CRLS1: variants seen among roughly 807,000 people sequenced by gnomAD.
The protein encoded by CRLS1 is cardiolipin synthase (CMP-forming).
CRLS1 carries 24 observed loss-of-function variants against 37.0 expected under a neutral mutation model. The observed-to-expected ratio is 0.65, with a 90% CI of 0.47 to 0.91. CRLS1 has a LOEUF of 0.91. Among genes scored for constraint, CRLS1 ranks in the 40% least tolerant of loss-of-function variants. The probability of loss-of-function intolerance (pLI) is 0.00; values close to 1 mark genes in which losing one functional copy is unlikely to be tolerated. For missense variants in CRLS1, 373 were observed against 395.8 expected (o/e 0.94, Z 0.49); for synonymous variants, 135 against 159.7 (o/e 0.85, Z 1.17).
Position 6,026,470 on chromosome 20 carries a change from C to T in CRLS1, c.575-4815C>T, listed in dbSNP as rs373492880. ...CTTTACTGCAGTATTAGCTTTGTTG[C>T]GGTGGTCTGGAACAGAGCCTTCAAT... On this transcript the variant is annotated intron_variant, in intron 3 of 6. Transcript: ENST00000378863. Among the ~76,000 whole-genome samples the T allele has an allele frequency of 5.6e-4, 85 of 152,086 alleles. No homozygotes were observed. In the South Asian group the frequency reaches 0.013, roughly 23 times the overall value.
At position 6,037,181 on chromosome 20, in the gene CRLS1, G is replaced by A. The variant is rs769525804; in HGVS notation, c.*23G>A. ...TGATGAAAGTCATCCCTCACTGTTAGTAAGGAAGCAGTATACATCAATGGG... is the reference window on the plus strand; with the variant it reads ...TGATGAAAGTCATCCCTCACTGTTAATAAGGAAGCAGTATACATCAATGGG... On this transcript the variant is annotated 3_prime_UTR_variant, in exon 7 of 7. Transcript: ENST00000378863. 6.4e-7 allele frequency: 1 copy of A among 1,567,730 alleles called. No individual in the cohort carries two copies. The highest frequency in any genetic ancestry group is 8.8e-7 in the Non-Finnish European group (1 of 1,138,608).
intron 3 of CRLS1, chr20:6,028,209 T>C (rs778690823): frequency 1.3e-5 from 2 of 152,192 alleles, no homozygotes; most frequent in Non-Finnish European, 2.9e-5. Flanking sequence ...TTTTTTTGCT[T>C]TCTTCCTTCG....
At chr20:6,021,963 C>T (rs1335454550) in intron 3 of CRLS1, among the ~76,000 whole-genome samples, 2 of 152,190 alleles carry the variant, frequency 1.3e-5, no homozygotes, top group African/African-American at 4.8e-5. Flanking sequence ...TTATTTCTCT[C>T]AGCTTAGGCT....
At chr20:6,010,504 A>G (rs1400326822) in intron 2 of CRLS1, among the ~76,000 whole-genome samples, 2 of 152,198 alleles carry the variant, frequency 1.3e-5, no homozygotes, top group Non-Finnish European at 2.9e-5. Context: ...TGGGCTGACA[A>G]TTGGACGTCC....
At chr20:6,034,061 G>A (rs1980375786) in intron 5 of CRLS1, among the ~76,000 whole-genome samples, 1 of 152,238 alleles carries the variant, frequency 6.6e-6, no homozygotes, top group Non-Finnish European at 1.5e-5. Context: ...GTTGTCTGCT[G>A]TGACTGCAGG....
At chr20:6,019,823 G>C (rs1306740434) in intron 3 of CRLS1, among the ~76,000 whole-genome samples, 1 of 150,610 alleles carries the variant, frequency 6.6e-6, no homozygotes, top group Non-Finnish European at 1.5e-5. Context: ...CACCATACTT[G>C]GCTAGTTTTT....
At chr20:6,035,921 C>T (rs1289727127) in intron 6 of CRLS1, among the ~76,000 whole-genome samples, 2 of 152,168 alleles carry the variant, frequency 1.3e-5, no homozygotes, top group African/African-American at 4.8e-5. Flanking sequence ...TCTCCTGCCT[C>T]AGCCTCCTGA....
chr20:6,006,452 G>C lies in CRLS1; in HGVS notation c.206G>C (p.Cys69Ser). 2 of 1,406,100 alleles carry C rather than the reference G, an allele frequency of 1.4e-6. No homozygotes were observed. The highest frequency in any genetic ancestry group is 6.2e-5 in the East Asian group (2 of 32,038). The allele number at this position is 1,406,100 out of a possible 1,614,324, so 87.1% of individuals were successfully genotyped here. A position where few individuals can be genotyped will look rare whatever the true frequency, so the allele number is the denominator to read the frequency against. ...CCCGGGATCGGCCAGCGGAACCACT[G>C]TTCGGGCGCGGGGAAGGCGGCTCCC... The part of the protein sequence containing the change: ...RLPGIGQRNH[C>S]SGAGKAAPRP... The change falls in exon 1 of 7, where the codon TGT becomes TCT. Residue 69 changes from cysteine (C) to serine (S), a missense_variant. Coordinates refer to ENST00000378863, the MANE Select transcript of CRLS1 (RefSeq NM_019095.6).
chr20:6,035,615 A>C (rs1980487145), intron 6 of CRLS1, among the ~76,000 whole-genome samples: 1 of 151,984 alleles, frequency 6.6e-6, no homozygotes, highest in South Asian at 2.1e-4. Flanking sequence ...ATAGCAATTA[A>C]AAAAATTTTT....
At chr20:6,034,254 T>C (rs868690099) in intron 5 of CRLS1, among the ~76,000 whole-genome samples, 4 of 152,238 alleles carry the variant, frequency 2.6e-5, no homozygotes, top group South Asian at 4.1e-4. Context: ...AGGGCAGCTG[T>C]GCAGACAGAT....
intron 3 of CRLS1, among the ~76,000 whole-genome samples, chr20:6,021,847 T>C (rs750878725): frequency 3.3e-5 from 5 of 152,188 alleles, no homozygotes; most frequent in African/African-American, 4.8e-5. Context: ...ACGGTTTCCA[T>C]CCAGTTTTCC....
chr20:6,019,916 C>G (rs1291770387), intron 3 of CRLS1, among the ~76,000 whole-genome samples: 2 of 151,746 alleles, frequency 1.3e-5, no homozygotes, highest in African/African-American at 2.4e-5. Flanking sequence ...CTGAAGTGAT[C>G]CTGACCTTAG....
chr20:6,035,327 G>A (rs1291960760), intron 6 of CRLS1, among the ~76,000 whole-genome samples: 1 of 152,182 alleles, frequency 6.6e-6, no homozygotes, highest in African/African-American at 2.4e-5. Flanking sequence ...AGGTCCATCA[G>A]TGGGAGTTTT....
intron 3 of CRLS1, among the ~76,000 whole-genome samples, chr20:6,025,924 T>C (rs145013502): frequency 6.6e-6 from 1 of 152,314 alleles, no homozygotes; most frequent in East Asian, 1.9e-4. Flanking sequence ...TAAAGAGGTT[T>C]CTAGAGATGA....
Position 6,006,255 on chromosome 20 carries a change from C to T in CRLS1, c.9C>T (p.Ala3=), listed in dbSNP as rs1271715375. 5 of 1,249,426 alleles carry T rather than the reference C, an allele frequency of 4.0e-6. No homozygotes were observed. The highest frequency in any genetic ancestry group is 5.0e-6 in the Non-Finnish European group (5 of 1,000,132). 77.4% of individuals were successfully genotyped at this position (1,249,426 alleles called of 1,614,324 possible). The stretch of plus-strand genomic sequence containing the variant: ...GGCGCGGCCGCAGGGCCATGCTAGC[C>T]TTGCGCGTGGCGCGCGGCTCGTGGG... The part of the protein sequence containing the change: ML[A]LRVARGSWGA... The change falls in exon 1 of 7, where the codon GCC becomes GCT. Residue 3 remains alanine (A), a synonymous_variant. Transcript: ENST00000378863.
intron 3 of CRLS1, among the ~76,000 whole-genome samples, chr20:6,024,477 C>T (rs1264697076): frequency 2.0e-5 from 3 of 152,164 alleles, no homozygotes; most frequent in African/African-American, 7.2e-5. Flanking sequence ...TCTGACTGCT[C>T]CACCAATCTG....
At chr20:6,014,987 C>T in intron 2 of CRLS1, among the ~76,000 whole-genome samples, 1 of 151,934 alleles carries the variant, frequency 6.6e-6, no homozygotes, top group East Asian at 1.9e-4. Flanking sequence ...TTATCCTAGT[C>T]CAGGCTCTGC....
intron 3 of CRLS1, among the ~76,000 whole-genome samples, chr20:6,019,957 C>T (rs1979125016): frequency 6.6e-6 from 1 of 152,058 alleles, no homozygotes; most frequent in Admixed American, 6.5e-5. Context: ...GCTGGGATTA[C>T]AGGTGTGAGC....
At chr20:6,030,047 A>G (rs1234467553) in intron 3 of CRLS1, among the ~76,000 whole-genome samples, 2 of 152,252 alleles carry the variant, frequency 1.3e-5, no homozygotes, top group South Asian at 2.1e-4. Context: ...AGGGATGTTC[A>G]TGATCCTTTT....
Sources: allele counts gnomAD v4.1 joint callset (sites outside exome capture counted in the v4.1 genomes callset), GRCh38; gene constraint gnomAD v4.1.1; transcripts MANE v1.5; gene names NCBI Gene and HGNC (gene_info 2026-07-23, HGNC 2026-07-21).